Variants in DYNC2H1 observed in about 807,000 individuals in gnomAD.
The protein encoded by DYNC2H1 is dynein cytoplasmic 2 heavy chain 1.
In DYNC2H1, 410 loss-of-function variants were observed where a neutral mutation model predicts 570.0. That is an observed-to-expected ratio of 0.72 (90% CI 0.66 to 0.78). The LOEUF (loss-of-function observed/expected upper bound fraction) is 0.78. Ranked by LOEUF, DYNC2H1 falls within the 30% of genes least tolerant of loss-of-function variation. DYNC2H1 has a pLI of 0.00. For synonymous variants in DYNC2H1, 1,688 were observed against 1,677.6 expected (o/e 1.01, Z -0.15); for missense variants, 4,865 against 5,046.4 (o/e 0.96, Z 1.09).
intron 70 of DYNC2H1, among the ~76,000 whole-genome samples, chr11:103,274,467 CTTAT>C (rs1040811720): frequency 1.3e-5 from 2 of 151,908 alleles, no homozygotes; most frequent in South Asian, 2.1e-4. Flanking sequence ...CATTTATTGT[CTTAT>C]TTATCTTTAT....
intron 84 of DYNC2H1, among the ~76,000 whole-genome samples, chr11:103,421,369 C>T (rs602480): frequency 6.6e-6 from 1 of 151,928 alleles, no homozygotes; most frequent in East Asian, 1.9e-4. Flanking sequence ...GATATCTATA[C>T]GACTCTCCAC....
chr11:103,360,275 T>TTA (rs1940575382), intron 83 of DYNC2H1, among the ~76,000 whole-genome samples: 1 of 152,152 alleles, frequency 6.6e-6, no homozygotes, highest in Non-Finnish European at 1.5e-5. Context: ...TTCTCTTCAC[T>TTA]TATATAACAG....
chr11:103,439,352 A>G lies in DYNC2H1; in HGVS notation c.12456+3320A>G, dbSNP rs1944178851. On this transcript the variant is annotated intron_variant, in intron 85 of 88. Transcript: ENST00000375735. The surrounding 1 kb of genome is among the most constrained non-coding windows in gnomAD (Gnocchi z 4.1). Reference sequence around the variant, plus strand: ...CAAAGTTATTGAAATTTTGTAAAAAAAATTAATAAAAAGTAAGCATTGTGG... The same window carrying G: ...CAAAGTTATTGAAATTTTGTAAAAAGAATTAATAAAAAGTAAGCATTGTGG... 6.6e-6 allele frequency among the ~76,000 whole-genome samples: 1 copy of G among 152,160 alleles called. No homozygotes were observed. The highest frequency in any genetic ancestry group is 1.5e-5 in the Non-Finnish European group (1 of 68,034).
chr11:103,167,084 A>G (rs1009487736), intron 31 of DYNC2H1, among the ~76,000 whole-genome samples: 1 of 116,100 alleles, frequency 8.6e-6, no homozygotes, highest in Admixed American at 1.1e-4. Context: ...TTCCTTTATT[A>G]TTTCCATTTC....
At chr11:103,353,954 G>A (rs2458645) in intron 82 of DYNC2H1, among the ~76,000 whole-genome samples, 83,075 of 151,410 alleles carry the variant, frequency 0.55, 24,645 homozygotes, top group Admixed American at 0.66. Context: ...CGAGGCAGGC[G>A]GATCACGAGG....
intron 31 of DYNC2H1, among the ~76,000 whole-genome samples, chr11:103,166,454 C>T (rs1173957209): frequency 6.6e-6 from 1 of 152,070 alleles, no homozygotes; most frequent in Non-Finnish European, 1.5e-5. Flanking sequence ...TTCCAGGTTT[C>T]CTTCTGGTGT....
In DYNC2H1 at chr11:103,122,910, T is replaced by C; in HGVS notation, c.1571T>C (p.Leu524Ser). ...TTCCATCAAAGTGCCAAAGATCTCT[T>C]AGACCAGCTTAAACTATATGAACAG... ...RCFHQSAKDL[L>S]DQLKLYEQEQ... The change falls in exon 11 of 89, where the codon TTA (leucine) becomes TCA (serine). Residue 524 changes from leucine to serine, a missense_variant. Around this residue, in one of 5 missense-constraint regions of DYNC2H1, gnomAD observed 1,936 missense variants for 1,962.1 expected, o/e 0.99. Transcript: ENST00000375735. 2 of 1,612,862 alleles carry C rather than the reference T, an allele frequency of 1.2e-6. No individual in the cohort carries two copies. Among genetic ancestry groups the C allele is most frequent in the Non-Finnish European group, 1.7e-6 (2 of 1,179,354 alleles).
chr11:103,158,190 G>A (rs1490697310), intron 26 of DYNC2H1, among the ~76,000 whole-genome samples: 1 of 152,246 alleles, frequency 6.6e-6, no homozygotes, highest in Non-Finnish European at 1.5e-5. Flanking sequence ...GCTCACGCCT[G>A]TAATCCCAGC....
intron 83 of DYNC2H1, among the ~76,000 whole-genome samples, chr11:103,367,426 G>A (rs1315385091): frequency 6.6e-6 from 1 of 151,852 alleles, no homozygotes; most frequent in Non-Finnish European, 1.5e-5. Context: ...AGAAACCCAG[G>A]TTTTTCTTTA....
intron 83 of DYNC2H1, among the ~76,000 whole-genome samples, chr11:103,386,971 G>T (rs1446041414): frequency 6.6e-6 from 1 of 151,700 alleles, no homozygotes; most frequent in Non-Finnish European, 1.5e-5. Flanking sequence ...ACGTGTGCAT[G>T]TGTCTTTATA....
intron 74 of DYNC2H1, 92 bp downstream of exon 74, chr11:103,286,478 G>T: frequency 6.9e-7 from 1 of 1,442,984 alleles, no homozygotes; most frequent in South Asian, 1.3e-5. Context: ...CTTTTAGAGT[G>T]TTACTTTACC....
chr11:103,282,258 C>A (rs768389834), intron 72 of DYNC2H1, 29 bp downstream of exon 72: 2 of 1,598,454 alleles, frequency 1.3e-6, no homozygotes, highest in African/African-American at 1.3e-5. Flanking sequence ...ATCTATTTTG[C>A]TCTTAAAGAA....
intron 75 of DYNC2H1, among the ~76,000 whole-genome samples, chr11:103,290,516 A>C (rs1312528620): frequency 1.3e-5 from 2 of 152,166 alleles, no homozygotes; most frequent in African/African-American, 2.4e-5. Context: ...AACTCGCTTA[A>C]ATGAATAAAG....
chr11:103,236,315 G>T, intron 62 of DYNC2H1, 115 bp from the exon 63 acceptor site: 1 of 663,834 alleles, frequency 1.5e-6, no homozygotes, highest in South Asian at 1.9e-5. Context: ...TGGAAGAATG[G>T]GTTTCAAGTA....
At chr11:103,271,900 G>C (rs600838) in intron 70 of DYNC2H1, among the ~76,000 whole-genome samples, 3 of 152,190 alleles carry the variant, frequency 2.0e-5, no homozygotes, top group Non-Finnish European at 2.9e-5. Flanking sequence ...TTAGAATGGC[G>C]ATCATTAAAA....
intron 59 of DYNC2H1, 64 bp downstream of exon 59, chr11:103,223,150 A>G (rs1863657461): frequency 1.4e-6 from 2 of 1,380,948 alleles, no homozygotes; most frequent in African/African-American, 3.0e-5. Flanking sequence ...TGAGGTTTTA[A>G]TAATTATTAT....
rs1376485838 is a variant in DYNC2H1 at position 103,243,954 on chromosome 11, A to G, written c.9918+163A>G. 6.7e-6 allele frequency among the ~76,000 whole-genome samples: 1 copy of G among 150,342 alleles called. No homozygotes were observed. Among genetic ancestry groups the G allele is most frequent in the African/African-American group, 2.4e-5 (1 of 41,412 alleles). On this transcript the variant is annotated intron_variant, in intron 64 of 88. Transcript: ENST00000375735. This position sits in a 1 kb window ranked among gnomAD's most constrained non-coding sequence, Gnocchi z 4.8. Reference sequence around the variant, plus strand: ...AGCTTCAGTTTTCTAATTTGTAAAAAATAGATAAGAATATTTATTTGATTC... The same window carrying G: ...AGCTTCAGTTTTCTAATTTGTAAAAGATAGATAAGAATATTTATTTGATTC...
Position 103,187,527 on chromosome 11 carries a change from A to G in DYNC2H1, c.7081A>G (p.Ile2361Val). 1.2e-6 allele frequency: 2 copies of G among 1,613,328 alleles called. No individual in the cohort carries two copies. The highest frequency in any genetic ancestry group is 1.7e-6 in the Non-Finnish European group (2 of 1,179,474). The change falls in exon 43 of 89, where the codon ATC becomes GTC. Residue 2361 changes from isoleucine to valine, a missense_variant. This residue lies in a region of DYNC2H1 where 2,401 missense variants were observed against 2,454.6 expected (regional missense o/e 0.98). Coordinates refer to ENST00000375735, the MANE Select transcript of DYNC2H1 (RefSeq NM_001377.3). ...AAGACTTGTTCTGTACTTAAAAGATATCAACCTACCTAAACTTGATAAATG... is the reference window on the plus strand; with the variant it reads ...AAGACTTGTTCTGTACTTAAAAGATGTCAACCTACCTAAACTTGATAAATG... ...CERLVLYLKD[I>V]NLPKLDKWGT... is the part of the protein sequence containing the mutation.
At chr11:103,153,766 T>C (rs1437125894) in intron 22 of DYNC2H1, among the ~76,000 whole-genome samples, 1 of 151,984 alleles carries the variant, frequency 6.6e-6, no homozygotes, top group Non-Finnish European at 1.5e-5. Context: ...GTTAGAACTG[T>C]CACTTTCTTT....
Sources: allele counts gnomAD v4.1 joint callset (sites outside exome capture counted in the v4.1 genomes callset), GRCh38; gene constraint gnomAD v4.1.1; regional missense constraint gnomAD v4.1.1; non-coding constraint Gnocchi (gnomAD v3.1); transcripts MANE v1.5; gene names NCBI Gene and HGNC (gene_info 2026-07-23, HGNC 2026-07-21).